Variants in RPH3AL observed in about 807,000 individuals in gnomAD.
RPH3AL encodes rabphilin 3A like (without C2 domains).
A neutral mutation model predicts 43.1 loss-of-function variants in RPH3AL; 38 were observed. The ratio of observed to expected loss-of-function variants is 0.88; its 90% confidence interval spans 0.68 to 1.15. The LOEUF (loss-of-function observed/expected upper bound fraction) is 1.15. Among genes scored for constraint, RPH3AL ranks in the 50% most tolerant of loss-of-function variants. The pLI is 0.00. For synonymous variants in RPH3AL, 189 were observed against 176.3 expected (o/e 1.07, Z -0.57); for missense variants, 462 against 423.2 (o/e 1.09, Z -0.81).
At chr17:332,119 G>A (rs1042889085) in intron 2 of RPH3AL, 48 of 352,466 alleles carry the variant, frequency 1.4e-4, no homozygotes, top group African/African-American at 8.6e-4. Context: ...TGTGGACAGG[G>A]CTGGTGGAGC....
chr17:284,424 C>T (rs954734755), intron 5 of RPH3AL, among the ~76,000 whole-genome samples: 5 of 152,162 alleles, frequency 3.3e-5, no homozygotes, highest in South Asian at 4.1e-4. Flanking sequence ...TCTGCTCAGG[C>T]GGGTCCCTGG....
At chr17:272,967 T>TCAGGAA (rs1567604354) in intron 6 of RPH3AL, among the ~76,000 whole-genome samples, 3 of 50,478 alleles carry the variant, frequency 5.9e-5, no homozygotes, top group Admixed American at 4.9e-4. Context: ...TACGTCAGGG[T>TCAGGAA]GAGACCCCAG....
chr17:253,635 T>G (rs928531176), intron 6 of RPH3AL, among the ~76,000 whole-genome samples: 5 of 152,056 alleles, frequency 3.3e-5, no homozygotes, highest in African/African-American at 1.2e-4. Context: ...TCCTCTGCCC[T>G]GGCCCCTGGC....
At chr17:317,268 C>G (rs1298469563) in intron 5 of RPH3AL, among the ~76,000 whole-genome samples, 1 of 151,828 alleles carries the variant, frequency 6.6e-6, no homozygotes, top group Admixed American at 6.6e-5. Context: ...CCCTGTGCCC[C>G]ACCTCCATTG....
At chr17:270,632 T>G (rs1279004223) in intron 6 of RPH3AL, among the ~76,000 whole-genome samples, 1 of 152,076 alleles carries the variant, frequency 6.6e-6, no homozygotes, top group African/African-American at 2.4e-5. Flanking sequence ...GGAGGATTGG[T>G]TGAGCTCAGG....
rs372761475 is a variant in RPH3AL at position 258,757 on chromosome 17, G to GTTTTTTTTTTTTTTTTTTTT, written c.439-11492_439-11473dup. Among the ~76,000 whole-genome samples the GTTTTTTTTTTTTTTTTTTTT allele has an allele frequency of 6.1e-5, 6 of 98,770 alleles. 3 individuals are homozygous for GTTTTTTTTTTTTTTTTTTTT. The highest frequency in any genetic ancestry group is 7.5e-5 in the African/African-American group (2 of 26,746). 64.8% of individuals were successfully genotyped at this position (98,770 alleles called of 152,430 possible). A position where few individuals can be genotyped will look rare whatever the true frequency, so the allele number is the denominator to read the frequency against. Reference sequence around the variant, plus strand: ...TCAGCCATTTTGGGATAGTCAACCCGTTTTTTTTTTTTTTTTTTTTTGAGA... The same window carrying GTTTTTTTTTTTTTTTTTTTT: ...TCAGCCATTTTGGGATAGTCAACCCGTTTTTTTTTTTTTTTTTTTTTTTTTTTTTTTTTTTTTTTTTGAGA... On this transcript the variant is annotated intron_variant, in intron 6 of 9. Coordinates refer to ENST00000331302, the MANE Select transcript of RPH3AL (RefSeq NM_006987.4).
Position 219,681 on chromosome 17 carries a change from G to A in RPH3AL, c.669C>T (p.Asp223=). ...DSDLSSSSLE[D]RLPSTGVRDR... Reference sequence around the variant, plus strand: ...CCCTGACCCCAGTGGATGGGAGTCTGTCCTCTAGGCTGGAGGAGCTAAGAT... The same window carrying A: ...CCCTGACCCCAGTGGATGGGAGTCTATCCTCTAGGCTGGAGGAGCTAAGAT... The change falls in exon 8 of 10, where the codon GAC becomes GAT. Residue 223 remains aspartate (D), a synonymous_variant. Coordinates refer to ENST00000331302, the MANE Select transcript of RPH3AL (RefSeq NM_006987.4). 1 of 1,613,650 alleles carries A rather than the reference G, an allele frequency of 6.2e-7. No individual in the cohort carries two copies. The highest frequency in any genetic ancestry group is 8.5e-7 in the Non-Finnish European group (1 of 1,179,904).
chr17:251,078 C>A (rs2041892302), intron 6 of RPH3AL, among the ~76,000 whole-genome samples: 1 of 152,188 alleles, frequency 6.6e-6, no homozygotes, highest in Non-Finnish European at 1.5e-5. Flanking sequence ...CAGGGCACCT[C>A]CTTATGCTCA....
intron 5 of RPH3AL, among the ~76,000 whole-genome samples, chr17:314,718 C>G (rs1235030439): frequency 2.1e-5 from 3 of 145,596 alleles, no homozygotes; most frequent in Middle Eastern, 3.7e-3. Flanking sequence ...TGTGCTCCAC[C>G]TCCACTGACC....
chr17:242,689 T>A, intron 7 of RPH3AL, among the ~76,000 whole-genome samples: 1 of 129,436 alleles, frequency 7.7e-6, no homozygotes, highest in East Asian at 2.5e-4. Context: ...CCTTCCTCTA[T>A]TGATTACCTT....
rs1336654841 is a variant in RPH3AL at position 342,741 on chromosome 17, G to A, written c.-212-8807C>T. ...AAAAGGGAATAGGGTTTCTGTATGT[G>A]GTGATGATTGGTGATGGTGATTAGA... On this transcript the variant is annotated intron_variant, in intron 1 of 9. Transcript: ENST00000331302. Among the ~76,000 whole-genome samples the A allele has an allele frequency of 2.0e-5, 3 of 152,124 alleles. No homozygotes were observed. In the East Asian group the frequency reaches 5.8e-4, roughly 29 times the overall value.
In RPH3AL at chr17:242,968, C is replaced by A. The variant is rs867503555; in HGVS notation, c.613+4143G>T. The stretch of plus-strand genomic sequence containing the variant: ...TCTATTGACTACCTTCCTCTATTGA[C>A]TACCTTCCTCTATTGAATACCTTCC... On this transcript the variant is annotated intron_variant, in intron 7 of 9. Transcript: ENST00000331302. Among the ~76,000 whole-genome samples the A allele has an allele frequency of 4.0e-3, 453 of 113,364 alleles. 3 individuals carry two copies. The highest frequency in any genetic ancestry group is 5.0e-3 in the Non-Finnish European group (270 of 54,402). 74.4% of individuals were successfully genotyped at this position (113,364 alleles called of 152,430 possible).
At chr17:310,177 A>C (rs537996777) in intron 5 of RPH3AL, among the ~76,000 whole-genome samples, 1 of 152,104 alleles carries the variant, frequency 6.6e-6, no homozygotes, top group Non-Finnish European at 1.5e-5. Flanking sequence ...GCTGACTCAG[A>C]TCCCAAGCAA....
intron 5 of RPH3AL, among the ~76,000 whole-genome samples, chr17:316,443 CTG>C (rs2044194802): frequency 6.6e-6 from 1 of 151,058 alleles, no homozygotes; most frequent in Non-Finnish European, 1.5e-5. Flanking sequence ...CCTGTAGTCT[CTG>C]TGCTCCACCT....
chr17:271,115 G>A (rs1298271724), intron 6 of RPH3AL, among the ~76,000 whole-genome samples: 2 of 152,158 alleles, frequency 1.3e-5, no homozygotes, highest in African/African-American at 4.8e-5. Context: ...TGAGGCCTCT[G>A]TTGTGTTCCA....
chr17:336,950 G>T (rs555029625), intron 1 of RPH3AL, among the ~76,000 whole-genome samples: 153 of 151,992 alleles, frequency 1.0e-3, no homozygotes, highest in African/African-American at 3.6e-3. Flanking sequence ...CTCCCATTCG[G>T]CTTGAGCCCA....
At chr17:267,848 A>G (rs1429589967) in intron 6 of RPH3AL, among the ~76,000 whole-genome samples, 1 of 151,576 alleles carries the variant, frequency 6.6e-6, no homozygotes, top group Non-Finnish European at 1.5e-5. Flanking sequence ...GATTTTAGCG[A>G]CCTCCTCTCA....
In RPH3AL at chr17:309,778, A is replaced by G. The variant is rs1363524668; in HGVS notation, c.351+9642T>C. On this transcript the variant is annotated intron_variant, in intron 5 of 9. Coordinates refer to ENST00000331302, the MANE Select transcript of RPH3AL (RefSeq NM_006987.4). ...CCAGGCTCCTGCCAGCCCCCCTGCC[A>G]GGGGTCCGGGATGACTCTCAGCAGG... 1.2e-3 allele frequency among the ~76,000 whole-genome samples: 183 copies of G among 150,004 alleles called. 1 individual carries two copies. Among genetic ancestry groups the G allele is most frequent in the African/African-American group, 4.4e-3 (179 of 40,646 alleles).
intron 6 of RPH3AL, among the ~76,000 whole-genome samples, chr17:271,184 T>C (rs1597982713): frequency 6.6e-6 from 1 of 152,228 alleles, no homozygotes; most frequent in Admixed American, 6.5e-5. Context: ...TATAGCCTTG[T>C]AGTATAGTCT....
Sources: allele counts gnomAD v4.1 joint callset (sites outside exome capture counted in the v4.1 genomes callset), GRCh38; gene constraint gnomAD v4.1.1; transcripts MANE v1.5; gene names NCBI Gene and HGNC (gene_info 2026-07-23, HGNC 2026-07-21).